The following CNTNAP5 variants were observed in gnomAD, a reference collection of about 807,000 sequenced individuals.
The protein encoded by CNTNAP5 is contactin associated protein family member 5.
CNTNAP5 carries 72 observed loss-of-function variants against 150.2 expected under a neutral mutation model. The observed-to-expected ratio is 0.48, with a 90% confidence interval of 0.40 to 0.58. CNTNAP5 has a LOEUF of 0.58. CNTNAP5 is among the 20% of genes least tolerant of loss of function. The pLI, the probability that CNTNAP5 is intolerant of heterozygous loss-of-function variation, is 0.00. For missense variants in CNTNAP5, 1,636 were observed against 1,626.2 expected (o/e 1.01, Z -0.10); for synonymous variants, 672 against 619.8 (o/e 1.08, Z -1.25).
In CNTNAP5 at chr2:124,609,690, A is replaced by T. The variant is rs1371945236; in HGVS notation, c.1757-111A>T. The T allele has an allele frequency of 2.5e-6, 3 of 1,196,998 alleles. No homozygotes were observed. In the African/African-American group the frequency reaches 4.5e-5, roughly 18 times the overall value. The allele number at this position is 1,196,998 out of a possible 1,614,324, so 74.1% of individuals were successfully genotyped here. A position where few individuals can be genotyped will look rare whatever the true frequency, so the allele number is the denominator to read the frequency against. Reference sequence around the variant, plus strand: ...CTTGGGGAAAAAGTCAAGGATATAGAAGGAGGGAAATGAATACACATAGAG... The same window carrying T: ...CTTGGGGAAAAAGTCAAGGATATAGTAGGAGGGAAATGAATACACATAGAG... On this transcript the variant is annotated intron_variant, in intron 11 of 23. Transcript: ENST00000682447.
chr2:124,428,211 C>A (rs1350713656), intron 4 of CNTNAP5, among the ~76,000 whole-genome samples: 1 of 152,146 alleles, frequency 6.6e-6, no homozygotes, highest in African/African-American at 2.4e-5. Context: ...GCCTGACTGC[C>A]TCTTATGTCT....
rs530191775 is a variant in CNTNAP5, at chr2:124,127,098, T to C, written c.83-94607T>C. On this transcript the variant is annotated intron_variant, in intron 1 of 23. Transcript: ENST00000682447. ...GAGAAAGAAATAAAGGGTTTTCAACTAGGAAAAGAAGCAGTCAAATTGTCC... is the reference window on the plus strand; with the variant it reads ...GAGAAAGAAATAAAGGGTTTTCAACCAGGAAAAGAAGCAGTCAAATTGTCC... 3.9e-5 allele frequency among the ~76,000 whole-genome samples: 6 copies of C among 152,274 alleles called. No individual in the cohort carries two copies. In the East Asian group the frequency reaches 7.7e-4, roughly 20 times the overall value.
intron 1 of CNTNAP5, among the ~76,000 whole-genome samples, chr2:124,147,257 G>GT (rs982772103): frequency 7.9e-5 from 12 of 151,734 alleles, no homozygotes; most frequent in Non-Finnish European, 1.3e-4. Flanking sequence ...TTTGTTTTCA[G>GT]TTTTTTTTCA....
chr2:124,035,835 G>C (rs1418287802), intron 1 of CNTNAP5, among the ~76,000 whole-genome samples: 1 of 150,172 alleles, frequency 6.7e-6, no homozygotes, highest in African/African-American at 2.5e-5. Context: ...CAGTATTCCT[G>C]TGTCACAGAG....
At chr2:124,492,343 T>G (rs1340671996) in intron 7 of CNTNAP5, among the ~76,000 whole-genome samples, 2 of 152,196 alleles carry the variant, frequency 1.3e-5, no homozygotes, top group Non-Finnish European at 2.9e-5. Flanking sequence ...GGATATCCAC[T>G]TTTCTCAACA....
chr2:124,797,669 C>T (rs1213534796), intron 18 of CNTNAP5, among the ~76,000 whole-genome samples: 1 of 152,232 alleles, frequency 6.6e-6, no homozygotes, highest in African/African-American at 2.4e-5. Flanking sequence ...CAGAGAAGAA[C>T]ACAAACTAGA....
intron 19 of CNTNAP5, among the ~76,000 whole-genome samples, chr2:124,805,996 A>T (rs1489484581): frequency 6.6e-6 from 1 of 152,204 alleles, no homozygotes; most frequent in Non-Finnish European, 1.5e-5. Context: ...GCCACACTAG[A>T]GTTAGTCTTC....
intron 1 of CNTNAP5, among the ~76,000 whole-genome samples, chr2:124,039,122 A>T (rs147972349): frequency 6.6e-6 from 1 of 152,312 alleles, no homozygotes; most frequent in Non-Finnish European, 1.5e-5. Context: ...ATTTGAAAAG[A>T]TGGTAGCTTG....
intron 11 of CNTNAP5, among the ~76,000 whole-genome samples, chr2:124,606,368 T>TA (rs10717686): frequency 8.5e-4 from 127 of 149,004 alleles, no homozygotes; most frequent in African/African-American, 2.0e-3. Context: ...CTTGTAAAAG[T>TA]AAAAAAAAAA....
At chr2:124,813,116 G>A (rs928572876) in intron 19 of CNTNAP5, among the ~76,000 whole-genome samples, 8 of 151,408 alleles carry the variant, frequency 5.3e-5, no homozygotes, top group African/African-American at 1.7e-4. Context: ...TTGCTCTGTC[G>A]CCCAGGCTGG....
intron 1 of CNTNAP5, among the ~76,000 whole-genome samples, chr2:124,068,916 G>A (rs1433909488): frequency 6.6e-6 from 1 of 151,888 alleles, no homozygotes; most frequent in Non-Finnish European, 1.5e-5. Context: ...AGAACTCTTG[G>A]GCCCTGAATT....
intron 19 of CNTNAP5, among the ~76,000 whole-genome samples, chr2:124,860,232 C>T (rs1677484549): frequency 6.6e-6 from 1 of 151,774 alleles, no homozygotes; most frequent in Non-Finnish European, 1.5e-5. Flanking sequence ...CGCCTGTAGT[C>T]CCAGCTACTC....
chr2:124,838,361 T>C (rs1458450323), intron 19 of CNTNAP5, among the ~76,000 whole-genome samples: 1 of 152,102 alleles, frequency 6.6e-6, no homozygotes, highest in East Asian at 1.9e-4. Flanking sequence ...TGCTTAGCTC[T>C]TAAACACGAT....
intron 11 of CNTNAP5, among the ~76,000 whole-genome samples, chr2:124,578,963 A>G (rs970603690): frequency 2.6e-5 from 4 of 152,114 alleles, no homozygotes; most frequent in African/African-American, 9.7e-5. Context: ...TCTGTTGTGC[A>G]CACTCAAGGG....
intron 11 of CNTNAP5, among the ~76,000 whole-genome samples, chr2:124,582,863 A>G (rs549869651): frequency 7.9e-5 from 12 of 152,318 alleles, no homozygotes; most frequent in African/African-American, 2.4e-4. Flanking sequence ...ACTTTTGCCT[A>G]GTGTTTGATT....
At chr2:124,443,444 A>G (rs996618447) in intron 5 of CNTNAP5, among the ~76,000 whole-genome samples, 3 of 151,988 alleles carry the variant, frequency 2.0e-5, no homozygotes, top group Non-Finnish European at 4.4e-5. Flanking sequence ...TCAGTGTAAA[A>G]AATTAAATGA....
At chr2:124,071,728 G>C (rs1001182649) in intron 1 of CNTNAP5, among the ~76,000 whole-genome samples, 2 of 151,764 alleles carry the variant, frequency 1.3e-5, no homozygotes, top group Non-Finnish European at 2.9e-5. Flanking sequence ...ATAATAAAAA[G>C]TCTCCCAGTA....
chr2:124,175,632 G>A (rs543648092), intron 1 of CNTNAP5, among the ~76,000 whole-genome samples: 47 of 152,104 alleles, frequency 3.1e-4, no homozygotes, highest in Middle Eastern at 3.4e-3. Context: ...TCATCTTTAT[G>A]GACACCACAC....
chr2:124,697,448 T>C (rs1679427684), intron 13 of CNTNAP5, among the ~76,000 whole-genome samples: 1 of 152,116 alleles, frequency 6.6e-6, no homozygotes, highest in African/African-American at 2.4e-5. Context: ...TGGTCACATG[T>C]TTTGTAGAAT....
Sources: allele counts gnomAD v4.1 joint callset (sites outside exome capture counted in the v4.1 genomes callset), GRCh38; gene constraint gnomAD v4.1.1; transcripts MANE v1.5; gene names NCBI Gene and HGNC (gene_info 2026-07-23, HGNC 2026-07-21).